Variants in INTU observed in about 807,000 individuals in gnomAD.
INTU encodes the protein inturned planar cell polarity protein, also known as protein inturned.
A neutral mutation model predicts 100.5 loss-of-function variants in INTU; 68 were observed. The ratio of observed to expected loss-of-function variants is 0.68; its 90% CI spans 0.56 to 0.83. The LOEUF is 0.83. Ranked by LOEUF, INTU falls within the 40% of genes least tolerant of loss-of-function variation. The pLI, the probability that INTU is intolerant of heterozygous loss-of-function variation, is 0.00. For synonymous variants in INTU, 357 were observed against 395.7 expected (o/e 0.90, Z 1.16); for missense variants, 1,071 against 1,114.7 (o/e 0.96, Z 0.56).
intron 9 of INTU, among the ~76,000 whole-genome samples, chr4:127,701,216 C>T (rs981316655): frequency 6.6e-6 from 1 of 152,108 alleles, no homozygotes; most frequent in Non-Finnish European, 1.5e-5. Context: ...AGAGGGGTTG[C>T]AGTCAGCAAA....
At chr4:127,651,001 C>A (rs977452157) in intron 2 of INTU, among the ~76,000 whole-genome samples, 2 of 152,146 alleles carry the variant, frequency 1.3e-5, no homozygotes, top group Non-Finnish European at 2.9e-5. Flanking sequence ...TGTTTTTTGG[C>A]TGCATAAATG....
chr4:127,652,989 A>T (rs1386918095), intron 2 of INTU, among the ~76,000 whole-genome samples: 1 of 150,230 alleles, frequency 6.7e-6, no homozygotes, highest in African/African-American at 2.5e-5. Flanking sequence ...TTTCTTCTAG[A>T]TTTTCTAGTT....
Position 127,643,566 on chromosome 4 carries a change from G to A in INTU, c.192G>A (p.Glu64=). Residue 64 remains glutamate, a synonymous_variant, in exon 2 of 16, where the codon GAG becomes GAA. Transcript: ENST00000335251. Reference sequence around the variant, plus strand: ...TGGACAGTGTGCAGAAAAATGGAGAGCTGTTTTATTTGGAATTGAGTGAGG... The same window carrying A: ...TGGACAGTGTGCAGAAAAATGGAGAACTGTTTTATTTGGAATTGAGTGAGG... ...EWLDSVQKNG[E]LFYLELSEDE... The A allele has an allele frequency of 6.2e-7, 1 of 1,608,822 alleles. No homozygotes were observed. The highest frequency in any genetic ancestry group is 8.5e-7 in the Non-Finnish European group (1 of 1,178,714).
intron 3 of INTU, among the ~76,000 whole-genome samples, chr4:127,661,934 G>A (rs1226293928): frequency 2.0e-5 from 3 of 151,998 alleles, no homozygotes; most frequent in South Asian, 4.2e-4. Flanking sequence ...TTTTCACCAC[G>A]TCTGCTCCAT....
chr4:127,656,051 A>G (rs1335745863), intron 2 of INTU, among the ~76,000 whole-genome samples: 1 of 152,174 alleles, frequency 6.6e-6, no homozygotes, highest in Non-Finnish European at 1.5e-5. Flanking sequence ...TGCGCTTCCC[A>G]AGTGAGGCAA....
chr4:127,654,474 G>A (rs545427220), intron 2 of INTU, among the ~76,000 whole-genome samples: 58 of 152,042 alleles, frequency 3.8e-4, no homozygotes, highest in African/African-American at 1.2e-3. Context: ...TTTCTCCTTT[G>A]CTTATGAAGC....
rs148672534 is a variant in INTU at position 127,711,091 on chromosome 4, T to C, written c.2548T>C (p.Leu850=). ...CATTCGTGCAGTTTTCCAACAGACATTGGTGGAAGAGGTAGGGCACTGCTA... is the reference window on the plus strand; with the variant it reads ...CATTCGTGCAGTTTTCCAACAGACACTGGTGGAAGAGGTAGGGCACTGCTA... ...LSIRAVFQQT[L]VEEKKKGLNS... The change falls in exon 14 of 16, where the codon TTG becomes CTG. Residue 850 remains leucine (L), a synonymous_variant. Transcript: ENST00000335251. The C allele has an allele frequency of 6.2e-5, 99 of 1,588,214 alleles. No homozygotes were observed. In the Middle Eastern group the frequency reaches 1.2e-3, roughly 19 times the overall value.
chr4:127,648,264 G>A (rs987085344), intron 2 of INTU, among the ~76,000 whole-genome samples: 1 of 152,152 alleles, frequency 6.6e-6, no homozygotes, highest in Non-Finnish European at 1.5e-5. Context: ...CGATGTCCGG[G>A]AAGCCAGCCA....
chr4:127,699,565 A>G (rs1730554030), intron 8 of INTU, among the ~76,000 whole-genome samples: 1 of 152,226 alleles, frequency 6.6e-6, no homozygotes, highest in Non-Finnish European at 1.5e-5. Flanking sequence ...GTAATATACA[A>G]GAAATGGAGA....
intron 10 of INTU, among the ~76,000 whole-genome samples, chr4:127,704,844 T>C (rs1730808281): frequency 6.6e-6 from 1 of 152,018 alleles, no homozygotes; most frequent in Non-Finnish European, 1.5e-5. Context: ...TCCCATCACT[T>C]TGGGGGGCCG....
rs536665382 is a variant in INTU, at chr4:127,633,141, G to A, written c.107G>A (p.Ser36Asn). The change falls in exon 1 of 16, where the codon AGC becomes AAC. Residue 36 changes from serine (S) to asparagine (N), a missense_variant. Physicochemically the swap from Ser to Asn is conservative, Grantham distance 46. Transcript: ENST00000335251. ...GACTATGATTTTGAAGATCGGGTCA[G>A]CGACTCGGGTTCATATTCCTCAGCG... ...DEDYDFEDRV[S>N]DSGSYSSASS... 35 of 1,614,030 alleles carry A rather than the reference G, an allele frequency of 2.2e-5. No homozygotes were observed. The highest frequency in any genetic ancestry group is 3.0e-5 in the Non-Finnish European group (35 of 1,179,912).
intron 1 of INTU, 31 bp downstream of exon 1, chr4:127,633,211 C>T: frequency 6.2e-7 from 1 of 1,604,386 alleles, no homozygotes; most frequent in Non-Finnish European, 8.5e-7. Context: ...CAATTAATCC[C>T]ATCCCATCAA....
intron 4 of INTU, among the ~76,000 whole-genome samples, chr4:127,665,752 G>T (rs975381186): frequency 6.6e-6 from 1 of 152,112 alleles, no homozygotes; most frequent in Non-Finnish European, 1.5e-5. Flanking sequence ...AAGAGAGAAG[G>T]CAGGCAGTAT....
At chr4:127,707,409 A>AG (rs1730931520) in intron 12 of INTU, among the ~76,000 whole-genome samples, 1 of 151,066 alleles carries the variant, frequency 6.6e-6, no homozygotes, top group South Asian at 2.1e-4. Context: ...AAAAAAAAAA[A>AG]AAAAAAAAGA....
chr4:127,690,381 G>T (rs1730062094), intron 8 of INTU, among the ~76,000 whole-genome samples: 1 of 152,104 alleles, frequency 6.6e-6, no homozygotes, highest in African/African-American at 2.4e-5. Flanking sequence ...TTTTATCCTT[G>T]TTACGTCTAA....
intron 5 of INTU, among the ~76,000 whole-genome samples, chr4:127,671,112 G>C (rs1215483886): frequency 6.6e-6 from 1 of 151,962 alleles, no homozygotes; most frequent in African/African-American, 2.4e-5. Context: ...AAATAGATAA[G>C]TAGGTCTTAA....
rs1188153620 is a variant in INTU at position 127,720,519 on chromosome 4, C to G, written c.*4083C>G. 6.6e-6 allele frequency: 1 copy of G among 152,112 alleles called. No individual in the cohort carries two copies. The highest frequency in any genetic ancestry group is 1.5e-5 in the Non-Finnish European group (1 of 68,016). 9.4% of individuals were successfully genotyped at this position (152,112 alleles called of 1,614,324 possible). Reference sequence around the variant, plus strand: ...GTCCCACTTGATCCAGAGCTGAGGTCAAGTCCTGAATAACTTTGTTAATTT... The same window carrying G: ...GTCCCACTTGATCCAGAGCTGAGGTGAAGTCCTGAATAACTTTGTTAATTT... On this transcript the variant is annotated 3_prime_UTR_variant, in exon 16 of 16. Coordinates refer to ENST00000335251, the MANE Select transcript of INTU (RefSeq NM_015693.4).
intron 15 of INTU, 71 bp from the exon 16 acceptor site, chr4:127,716,253 TA>T: frequency 1.5e-6 from 1 of 673,196 alleles, no homozygotes; most frequent in Non-Finnish European, 2.5e-6. Flanking sequence ...AAAATTAAAT[TA>T]ATTGGATGGT....
chr4:127,705,986 T>C (rs941462540), intron 11 of INTU, among the ~76,000 whole-genome samples, 174 bp downstream of exon 11: 15 of 152,138 alleles, frequency 9.9e-5, no homozygotes, highest in Non-Finnish European at 2.1e-4. Context: ...TTCAAGGAAA[T>C]GTTACATGTC....
Sources: gnomAD v4.1 joint callset for allele counts (sites outside exome capture counted in the v4.1 genomes callset) on GRCh38, gnomAD v4.1.1 for gene constraint, MANE v1.5 for transcripts, NCBI Gene and HGNC (gene_info 2026-07-23, HGNC 2026-07-21) for gene names.